Variants in KLHL32 observed in about 807,000 individuals in gnomAD.
The protein encoded by KLHL32 is kelch-like protein 32.
In KLHL32, 35 loss-of-function variants were observed where a neutral mutation model predicts 64.8. The ratio of observed to expected loss-of-function variants is 0.54; its 90% CI spans 0.41 to 0.72. The LOEUF is 0.72. Among genes scored for constraint, KLHL32 ranks in the 30% least tolerant of loss-of-function variants. KLHL32 has a pLI of 0.00. For synonymous variants in KLHL32, 259 were observed against 281.0 expected (o/e 0.92, Z 0.78); for missense variants, 589 against 768.5 (o/e 0.77, Z 2.76).
the KLHL32 span, among the ~76,000 whole-genome samples, chr6:96,913,924 A>C: frequency 6.6e-6 from 1 of 152,184 alleles, no homozygotes. Flanking sequence ...CTGCAGATGG[A>C]ATTAATGTTG....
chr6:96,919,791 T>G (rs1484501747), upstream of KLHL32, among the ~76,000 whole-genome samples: 3 of 152,208 alleles, frequency 2.0e-5, no homozygotes, highest in African/African-American at 7.2e-5. Context: ...ATCATCCCCC[T>G]TTTCAGAGAA....
chr6:96,900,758 C>A, the KLHL32 span, among the ~76,000 whole-genome samples: 1 of 152,190 alleles, frequency 6.6e-6, no homozygotes, highest in African/African-American at 2.4e-5. Flanking sequence ...CCCAGGACAG[C>A]CCTCAGAGGT....
At position 96,971,747 on chromosome 6, in the gene KLHL32, G is replaced by A. The variant is rs112494712; in HGVS notation, c.24-4250G>A. On this transcript the variant is annotated intron_variant, in intron 2 of 10. Transcript: ENST00000369261. ...CAGTGTTCAGGTGGAAAAAAACAGA[G>A]GGACATATATCCCTGGGAACTCATA... 2.0e-3 allele frequency among the ~76,000 whole-genome samples: 311 copies of A among 152,134 alleles called. 2 individuals are homozygous for A. Among genetic ancestry groups the A allele is most frequent in the African/African-American group, 7.3e-3 (303 of 41,488 alleles).
the KLHL32 span, among the ~76,000 whole-genome samples, chr6:96,900,704 A>G: frequency 1.3e-5 from 2 of 152,158 alleles, no homozygotes; most frequent in East Asian, 1.9e-4. Context: ...GCGTTCTCCA[A>G]AGGATTACAG....
chr6:97,061,359 G>A (rs948485081), intron 4 of KLHL32, among the ~76,000 whole-genome samples: 14 of 49,600 alleles, frequency 2.8e-4, no homozygotes, highest in Admixed American at 6.0e-4. Flanking sequence ...GCCCCATCCC[G>A]CCCCTGGATT....
At chr6:96,918,499 G>A in the KLHL32 span, among the ~76,000 whole-genome samples, 9 of 152,168 alleles carry the variant, frequency 5.9e-5, no homozygotes, top group South Asian at 1.9e-3. Flanking sequence ...TTACTACTGT[G>A]GGGTTAGAAT....
chr6:96,957,423 G>A (rs1773400380), intron 1 of KLHL32, among the ~76,000 whole-genome samples: 1 of 152,030 alleles, frequency 6.6e-6, no homozygotes, highest in African/African-American at 2.4e-5. Context: ...ATATTATAAA[G>A]TAATATGTTA....
intron 3 of KLHL32, among the ~76,000 whole-genome samples, chr6:96,994,057 A>G (rs1323359303): frequency 1.3e-5 from 2 of 152,216 alleles, no homozygotes; most frequent in Non-Finnish European, 2.9e-5. Flanking sequence ...CTGTCTTCCA[A>G]GGCTGTTTGC....
the KLHL32 span, among the ~76,000 whole-genome samples, chr6:96,903,542 T>C: frequency 6.6e-6 from 1 of 152,182 alleles, no homozygotes; most frequent in Non-Finnish European, 1.5e-5. Context: ...AAGGAGGCCA[T>C]ATGGCAAGGA....
intron 1 of KLHL32, among the ~76,000 whole-genome samples, chr6:96,932,266 T>C (rs1298056229): frequency 1.4e-5 from 2 of 139,220 alleles, no homozygotes; most frequent in African/African-American, 2.8e-5. Context: ...GTTTTTTTTT[T>C]CCATGAAAAC....
rs146101217 is a variant in KLHL32, at chr6:97,105,857, G to A, written c.628-7926G>A. On this transcript the variant is annotated intron_variant, in intron 6 of 10. Transcript: ENST00000369261. ...AAAGATTTGATCACTCATCTGATGA[G>A]AGCCTGCTTTTTAAGGGCACTTGTA... 2.9e-3 allele frequency among the ~76,000 whole-genome samples: 443 copies of A among 152,242 alleles called. 1 individual carries two copies. Among genetic ancestry groups the A allele is most frequent in the African/African-American group, 0.01 (431 of 41,550 alleles).
At chr6:97,102,334 T>C (rs1479940909) in intron 6 of KLHL32, among the ~76,000 whole-genome samples, 2 of 152,188 alleles carry the variant, frequency 1.3e-5, no homozygotes, top group Non-Finnish European at 2.9e-5. Context: ...ATGGGGGGTG[T>C]TGTGACCCAC....
At chr6:97,086,355 A>G (rs1793412625) in intron 6 of KLHL32, among the ~76,000 whole-genome samples, 1 of 152,138 alleles carries the variant, frequency 6.6e-6, no homozygotes, top group African/African-American at 2.4e-5. Context: ...TTTCTGCCTT[A>G]TTTCATTATT....
intron 5 of KLHL32, among the ~76,000 whole-genome samples, chr6:97,081,219 G>A (rs550132937): frequency 6.6e-6 from 1 of 152,154 alleles, no homozygotes; most frequent in Non-Finnish European, 1.5e-5. Flanking sequence ...CAGGAAGGAA[G>A]TGGGCAAAGC....
At chr6:96,979,937 G>A (rs916800394) in intron 3 of KLHL32, among the ~76,000 whole-genome samples, 2 of 152,072 alleles carry the variant, frequency 1.3e-5, no homozygotes, top group African/African-American at 4.8e-5. Context: ...GAATGAAATT[G>A]CAATCTTGAT....
intron 5 of KLHL32, among the ~76,000 whole-genome samples, chr6:97,083,157 C>A (rs1792841888): frequency 6.6e-6 from 1 of 151,990 alleles, no homozygotes; most frequent in African/African-American, 2.4e-5. Flanking sequence ...TTTGGGAGGC[C>A]AAGGTGGGCG....
chr6:97,071,470 CCCTTCTGCTCA>C (rs1790701927), intron 5 of KLHL32, among the ~76,000 whole-genome samples: 1 of 152,182 alleles, frequency 6.6e-6, no homozygotes, highest in Admixed American at 6.5e-5. Context: ...GGGCACCCTT[CCCTTCTGCTCA>C]CTATCACTCT....
chr6:96,964,523 G>T (rs1582501253), intron 1 of KLHL32, among the ~76,000 whole-genome samples: 1 of 152,226 alleles, frequency 6.6e-6, no homozygotes, highest in African/African-American at 2.4e-5. Context: ...CGTGTTGGCC[G>T]GCGCCTGTAG....
chr6:96,979,053 T>C (rs1776012388), intron 3 of KLHL32, among the ~76,000 whole-genome samples: 1 of 152,196 alleles, frequency 6.6e-6, no homozygotes, highest in South Asian at 2.1e-4. Context: ...AGTAGATCTT[T>C]GTCAGATGCA....
Sources: allele counts gnomAD v4.1 joint callset (sites outside exome capture counted in the v4.1 genomes callset), GRCh38; gene constraint gnomAD v4.1.1; transcripts MANE v1.5; gene names NCBI Gene and HGNC (gene_info 2026-07-23, HGNC 2026-07-21).